The following DNAJC12 variants were observed in gnomAD, a reference collection of about 807,000 sequenced individuals.
DNAJC12 encodes dnaJ homolog subfamily C member 12.
A neutral mutation model predicts 28.5 loss-of-function variants in DNAJC12; 25 were observed. The ratio of observed to expected loss-of-function variants is 0.88; its 90% CI spans 0.64 to 1.22. The LOEUF (loss-of-function observed/expected upper bound fraction) is 1.22. Among genes scored for constraint, DNAJC12 ranks in the 50% most tolerant of loss-of-function variants. DNAJC12 has a pLI of 0.00. For synonymous variants in DNAJC12, 77 were observed against 80.6 expected (o/e 0.95, Z 0.24); for missense variants, 222 against 231.7 (o/e 0.96, Z 0.27).
In DNAJC12 at chr10:67,829,686, C is replaced by T. The variant is rs568992143; in HGVS notation, c.79-6294G>A. Reference sequence around the variant, plus strand: ...ATAAAAATAAATAAACAAATCTGTCCCTGTTGACTGTCAAGCCGCCCTTTG... The same window carrying T: ...ATAAAAATAAATAAACAAATCTGTCTCTGTTGACTGTCAAGCCGCCCTTTG... On this transcript the variant is annotated intron_variant, in intron 1 of 4. Transcript: ENST00000225171. Among the ~76,000 whole-genome samples the T allele has an allele frequency of 2.2e-3, 328 of 151,992 alleles. 1 individual carries two copies. The highest frequency in any genetic ancestry group is 6.8e-3 in the Middle Eastern group (2 of 294).
chr10:67,798,534 T>A (rs1244820472), intron 4 of DNAJC12, among the ~76,000 whole-genome samples: 1 of 151,632 alleles, frequency 6.6e-6, no homozygotes, highest in Non-Finnish European at 1.5e-5. Flanking sequence ...TACAAAAAAT[T>A]AGGCGGGCGT....
At chr10:67,820,971 C>T (rs1186068964) in intron 2 of DNAJC12, among the ~76,000 whole-genome samples, 1 of 151,620 alleles carries the variant, frequency 6.6e-6, no homozygotes, top group South Asian at 2.1e-4. Flanking sequence ...TTAGTAGAGA[C>T]ACAGTTTCTC....
chr10:67,828,699 T>C (rs757443353), intron 1 of DNAJC12, among the ~76,000 whole-genome samples: 3 of 152,040 alleles, frequency 2.0e-5, no homozygotes, highest in Admixed American at 6.6e-5. Context: ...TACACACATA[T>C]ATATGAAGAG....
intron 3 of DNAJC12, among the ~76,000 whole-genome samples, chr10:67,809,388 A>G (rs116268989): frequency 0.023 from 3,438 of 152,256 alleles, 139 homozygotes; most frequent in African/African-American, 0.078. Flanking sequence ...CAAAGGCCTG[A>G]ATTACTGAAT....
chr10:67,832,927 A>G lies in DNAJC12; in HGVS notation c.78+5007T>C, dbSNP rs1343771242. Among the ~76,000 whole-genome samples the G allele has an allele frequency of 3.9e-5, 6 of 152,224 alleles. 1 individual carries two copies. Among genetic ancestry groups the G allele is most frequent in the Admixed American group, 3.9e-4 (6 of 15,270 alleles). On this transcript the variant is annotated intron_variant, in intron 1 of 4. Coordinates refer to ENST00000225171, the MANE Select transcript of DNAJC12 (RefSeq NM_021800.3). ...CCCCACATGAGATACTAAGAAAGGC[A>G]CAACATCACTTCTGAGGAGTTCTTT...
At chr10:67,825,592 C>T (rs1337470288) in intron 1 of DNAJC12, 1 of 3,736 alleles carries the variant, frequency 2.7e-4, no homozygotes, top group African/African-American at 3.3e-4. Flanking sequence ...TGTCACCACG[C>T]CCTATGGCCA....
At chr10:67,837,237 T>C (rs1237117325) in intron 1 of DNAJC12, among the ~76,000 whole-genome samples, 3 of 152,046 alleles carry the variant, frequency 2.0e-5, no homozygotes, top group African/African-American at 7.2e-5. Flanking sequence ...ATAGTGGAGA[T>C]TAATATGCCA....
chr10:67,807,216 G>A (rs1252856920), intron 3 of DNAJC12, among the ~76,000 whole-genome samples: 2 of 151,764 alleles, frequency 1.3e-5, no homozygotes, highest in South Asian at 2.1e-4. Context: ...AGCTGGTATC[G>A]CACCACTGCA....
intron 2 of DNAJC12, among the ~76,000 whole-genome samples, chr10:67,822,368 G>A (rs1321897977): frequency 6.6e-6 from 1 of 152,158 alleles, no homozygotes; most frequent in African/African-American, 2.4e-5. Context: ...AGTACCAAAA[G>A]GTAACCACTA....
At chr10:67,831,572 T>C (rs1318964023) in intron 1 of DNAJC12, among the ~76,000 whole-genome samples, 2 of 152,232 alleles carry the variant, frequency 1.3e-5, no homozygotes, top group Non-Finnish European at 2.9e-5. Flanking sequence ...TATGGCCATC[T>C]AGTAAGGCCA....
intron 3 of DNAJC12, among the ~76,000 whole-genome samples, chr10:67,809,787 C>T (rs550398802): frequency 8.8e-4 from 134 of 152,212 alleles, no homozygotes; most frequent in Admixed American, 3.4e-3. Context: ...AGCTAAGCTA[C>T]GGATACACAA....
chr10:67,797,891 T>A (rs1841693238), intron 4 of DNAJC12, among the ~76,000 whole-genome samples: 1 of 151,854 alleles, frequency 6.6e-6, no homozygotes, highest in Non-Finnish European at 1.5e-5. Context: ...ATACAAAAAA[T>A]TAGCCGGGCG....
chr10:67,835,709 G>GA (rs907201920), intron 1 of DNAJC12, among the ~76,000 whole-genome samples: 3 of 107,210 alleles, frequency 2.8e-5, no homozygotes, highest in African/African-American at 1.2e-4. Context: ...AAAAAAGAGA[G>GA]AAAAAATGAC....
intron 1 of DNAJC12, among the ~76,000 whole-genome samples, chr10:67,830,931 G>C (rs185976322): frequency 9.2e-5 from 14 of 152,272 alleles, no homozygotes; most frequent in African/African-American, 3.1e-4. Context: ...GCTCACGCCT[G>C]TAATCCCAGC....
At chr10:67,818,387 A>G (rs1354602658) in intron 2 of DNAJC12, among the ~76,000 whole-genome samples, 1 of 152,190 alleles carries the variant, frequency 6.6e-6, no homozygotes, top group Non-Finnish European at 1.5e-5. Flanking sequence ...TAGAGAAGAT[A>G]TTGATGTCTG....
At chr10:67,800,868 G>A (rs146117922) in intron 4 of DNAJC12, among the ~76,000 whole-genome samples, 3,452 of 151,834 alleles carry the variant, frequency 0.023, 135 homozygotes, top group African/African-American at 0.079. Flanking sequence ...AGCTTGACCC[G>A]GGAGGCAGAG....
intron 2 of DNAJC12, among the ~76,000 whole-genome samples, chr10:67,822,492 T>C (rs1424756720): frequency 2.0e-5 from 3 of 151,244 alleles, no homozygotes; most frequent in Non-Finnish European, 4.4e-5. Flanking sequence ...GGACTTCCTT[T>C]TCGGGAAGTC....
At chr10:67,801,006 G>C (rs1589601604) in intron 4 of DNAJC12, among the ~76,000 whole-genome samples, 1 of 152,064 alleles carries the variant, frequency 6.6e-6, no homozygotes, top group East Asian at 1.9e-4. Flanking sequence ...TTTTATTTTA[G>C]AACTGTATTT....
chr10:67,799,623 G>C lies in DNAJC12; in HGVS notation c.503-2413C>G, dbSNP rs182380734. ...TTTCTGGCCAGGTGCGGTGGCTCAC[G>C]CCTGTGATCCCAGCACGTTGGGAGG... On this transcript the variant is annotated intron_variant, in intron 4 of 4. Coordinates refer to ENST00000225171, the MANE Select transcript of DNAJC12 (RefSeq NM_021800.3). Among the ~76,000 whole-genome samples the C allele has an allele frequency of 1.3e-3, 194 of 152,278 alleles. 2 individuals carry two copies. The highest frequency in any genetic ancestry group is 1.8e-4 in the Non-Finnish European group (12 of 68,020).
Sources: gnomAD v4.1 joint callset for allele counts (sites outside exome capture counted in the v4.1 genomes callset) on GRCh38, gnomAD v4.1.1 for gene constraint, MANE v1.5 for transcripts, NCBI Gene and HGNC (gene_info 2026-07-23, HGNC 2026-07-21) for gene names.